Variants in CA10 observed in about 807,000 individuals in gnomAD.
The protein encoded by CA10 is carbonic anhydrase-related protein 10.
In CA10, 14 loss-of-function variants were observed where a neutral mutation model predicts 44.2. The observed-to-expected ratio is 0.32, with a 90% CI of 0.21 to 0.50. The LOEUF is 0.50. Ranked by LOEUF, CA10 falls within the 20% of genes least tolerant of loss-of-function variation. CA10 has a pLI of 0.99. For missense variants in CA10, 350 were observed against 409.7 expected (o/e 0.85, Z 1.26); for synonymous variants, 159 against 141.6 (o/e 1.12, Z -0.87).
chr17:51,856,309 G>C (rs1459664410), intron 3 of CA10, among the ~76,000 whole-genome samples: 1 of 151,902 alleles, frequency 6.6e-6, no homozygotes, highest in Non-Finnish European at 1.5e-5. Flanking sequence ...TGTTAATTCT[G>C]GTTATTTAAG....
Position 51,633,670 on chromosome 17 carries a change from C to A in CA10, c.790-20G>T. On this transcript the variant is annotated intron_variant, in intron 7 of 8. Transcript: ENST00000451037. ...ATGCATCTGAGGAGAGAGAAGTGGCCGTGAGATCCAACCATCCTCTTAAAT... is the reference window on the plus strand; with the variant it reads ...ATGCATCTGAGGAGAGAGAAGTGGCAGTGAGATCCAACCATCCTCTTAAAT... 1 of 1,603,812 alleles carries A rather than the reference C, an allele frequency of 6.2e-7. No homozygotes were observed. Among genetic ancestry groups the A allele is most frequent in the Non-Finnish European group, 8.5e-7 (1 of 1,174,398 alleles).
At chr17:51,923,787 G>A (rs1982320767) in intron 3 of CA10, among the ~76,000 whole-genome samples, 1 of 152,102 alleles carries the variant, frequency 6.6e-6, no homozygotes, top group Non-Finnish European at 1.5e-5. Flanking sequence ...TCTGTGGATA[G>A]CAAAGTTCTT....
At chr17:51,712,306 T>G (rs1915964397) in intron 4 of CA10, among the ~76,000 whole-genome samples, 2 of 152,348 alleles carry the variant, frequency 1.3e-5, no homozygotes, top group Middle Eastern at 6.8e-3. Flanking sequence ...TGAGCCCTTG[T>G]GTAGTTTTTC....
At chr17:51,799,604 A>G (rs938721766) in intron 3 of CA10, among the ~76,000 whole-genome samples, 4 of 152,224 alleles carry the variant, frequency 2.6e-5, no homozygotes, top group Non-Finnish European at 2.9e-5. Flanking sequence ...TATGTGGCAA[A>G]GAGTATGAAA....
intron 2 of CA10, among the ~76,000 whole-genome samples, chr17:51,938,457 T>G (rs1238059794): frequency 6.6e-6 from 1 of 152,108 alleles, no homozygotes; most frequent in Non-Finnish European, 1.5e-5. Context: ...GTCAAGGGAT[T>G]AATTGCTTAA....
At chr17:52,059,303 G>T (rs909439766) in intron 2 of CA10, among the ~76,000 whole-genome samples, 1 of 152,072 alleles carries the variant, frequency 6.6e-6, no homozygotes, top group African/African-American at 2.4e-5. Context: ...TGGTTCTTTG[G>T]AAACCATGCA....
chr17:51,972,140 C>A (rs553748524), intron 2 of CA10, among the ~76,000 whole-genome samples: 1 of 151,786 alleles, frequency 6.6e-6, no homozygotes, highest in Non-Finnish European at 1.5e-5. Context: ...GGGAAGCATG[C>A]CATTTGGGGA....
chr17:52,049,920 C>G (rs1281850324), intron 2 of CA10, among the ~76,000 whole-genome samples: 1 of 152,090 alleles, frequency 6.6e-6, no homozygotes, highest in Non-Finnish European at 1.5e-5. Flanking sequence ...TACACAAATA[C>G]TCGCCATTAT....
intron 1 of CA10, among the ~76,000 whole-genome samples, chr17:52,086,498 C>T (rs1988121190): frequency 6.6e-6 from 1 of 152,158 alleles, no homozygotes; most frequent in African/African-American, 2.4e-5. Flanking sequence ...ACTACTTCTG[C>T]CCACATTTCA....
At chr17:51,971,773 T>C (rs1406661555) in intron 2 of CA10, among the ~76,000 whole-genome samples, 1 of 152,054 alleles carries the variant, frequency 6.6e-6, no homozygotes. Context: ...TTCTTACTTA[T>C]ACATAAAATA....
At chr17:51,670,098 G>A (rs1055560079) in intron 4 of CA10, among the ~76,000 whole-genome samples, 1 of 152,178 alleles carries the variant, frequency 6.6e-6, no homozygotes, top group Non-Finnish European at 1.5e-5. Context: ...CTTCCACCAT[G>A]ATTGTGAGGC....
At chr17:51,650,626 A>G (rs1460952564) in intron 5 of CA10, among the ~76,000 whole-genome samples, 4 of 152,202 alleles carry the variant, frequency 2.6e-5, no homozygotes, top group African/African-American at 9.7e-5. Flanking sequence ...ATCTACTTTG[A>G]CATCCTCTTC....
chr17:51,715,416 A>T (rs1433857376), intron 4 of CA10, among the ~76,000 whole-genome samples: 1 of 150,102 alleles, frequency 6.7e-6, no homozygotes, highest in Non-Finnish European at 1.5e-5. Flanking sequence ...CCAAGTAATT[A>T]AAAAAATTTT....
chr17:51,757,859 C>G (rs760909066), intron 3 of CA10, among the ~76,000 whole-genome samples: 92 of 148,648 alleles, frequency 6.2e-4, no homozygotes, highest in Non-Finnish European at 1.1e-3. Context: ...AGGAGTAGGC[C>G]TTTTTTTTTT....
At chr17:51,632,619 A>G (rs1214671487) in intron 8 of CA10, among the ~76,000 whole-genome samples, 1 of 152,196 alleles carries the variant, frequency 6.6e-6, no homozygotes, top group Non-Finnish European at 1.5e-5. Context: ...TAGATGGCAT[A>G]GGAACTGTCA....
intron 3 of CA10, among the ~76,000 whole-genome samples, chr17:51,777,472 A>C (rs191580415): frequency 6.6e-6 from 1 of 152,318 alleles, no homozygotes; most frequent in Non-Finnish European, 1.5e-5. Flanking sequence ...TGCTGAGCCC[A>C]CTACAGGACT....
At chr17:51,860,712 T>C (rs1979264685) in intron 3 of CA10, among the ~76,000 whole-genome samples, 2 of 152,198 alleles carry the variant, frequency 1.3e-5, no homozygotes. Flanking sequence ...GATATAGCTG[T>C]GTATTAATAG....
chr17:51,864,526 T>C (rs1269389329), intron 3 of CA10, among the ~76,000 whole-genome samples: 1 of 152,214 alleles, frequency 6.6e-6, no homozygotes, highest in Non-Finnish European at 1.5e-5. Context: ...TTCATCCCAC[T>C]ATCACCATTT....
At chr17:51,775,044 T>C (rs1339630073) in intron 3 of CA10, among the ~76,000 whole-genome samples, 3 of 152,092 alleles carry the variant, frequency 2.0e-5, no homozygotes, top group African/African-American at 4.8e-5. Context: ...TCCTGACTCA[T>C]GACAAGGGAC....
Sources: allele counts gnomAD v4.1 joint callset (sites outside exome capture counted in the v4.1 genomes callset), GRCh38; gene constraint gnomAD v4.1.1; transcripts MANE v1.5; gene names NCBI Gene and HGNC (gene_info 2026-07-23, HGNC 2026-07-21).